Variants in ASIC2 observed in about 807,000 individuals in gnomAD.
ASIC2 encodes the protein acid-sensing ion channel 2.
A neutral mutation model predicts 57.3 loss-of-function variants in ASIC2; 25 were observed. That is an observed-to-expected ratio of 0.44 (90% confidence interval 0.32 to 0.61). ASIC2 has a LOEUF of 0.61. ASIC2 is among the 20% of genes least tolerant of loss of function. The pLI, the probability that ASIC2 is intolerant of heterozygous loss-of-function variation, is 0.06. For synonymous variants in ASIC2, 319 were observed against 307.5 expected (o/e 1.04, Z -0.39); for missense variants, 641 against 738.1 (o/e 0.87, Z 1.52).
chr17:33,504,682 A>C (rs1426342836), intron 1 of ASIC2, among the ~76,000 whole-genome samples: 2 of 152,110 alleles, frequency 1.3e-5, no homozygotes, highest in Non-Finnish European at 2.9e-5. Flanking sequence ...TTGTTGCCGC[A>C]TACTCCTGGT....
At chr17:33,320,217 C>G (rs1253529117) in intron 1 of ASIC2, among the ~76,000 whole-genome samples, 3 of 152,186 alleles carry the variant, frequency 2.0e-5, no homozygotes, top group Admixed American at 6.5e-5. Flanking sequence ...TAAGAGGGCT[C>G]TCTATAAAAT....
At chr17:33,117,125 A>T (rs561320861) in intron 1 of ASIC2, among the ~76,000 whole-genome samples, 1 of 152,016 alleles carries the variant, frequency 6.6e-6, no homozygotes, top group East Asian at 1.9e-4. Flanking sequence ...AAGCAGTGGG[A>T]TTACAGGCAT....
chr17:34,069,834 T>A (rs1909331279), intron 1 of ASIC2: 1 of 152,162 alleles, frequency 6.6e-6, no homozygotes, highest in Non-Finnish European at 1.5e-5. Context: ...GCTTTGAAAG[T>A]AGAAAAAGCA....
chr17:33,821,777 A>G (rs899594378), intron 1 of ASIC2, among the ~76,000 whole-genome samples: 2 of 152,210 alleles, frequency 1.3e-5, no homozygotes, highest in Non-Finnish European at 2.9e-5. Context: ...AAAGGGAATG[A>G]CAGCCCTGAT....
At chr17:34,044,727 T>C (rs1036720055) in intron 1 of ASIC2, among the ~76,000 whole-genome samples, 1 of 152,098 alleles carries the variant, frequency 6.6e-6, no homozygotes, top group Non-Finnish European at 1.5e-5. Context: ...GAAGGAACGG[T>C]GCCTGGGGAT....
At chr17:33,398,345 T>C (rs116225943) in intron 1 of ASIC2, among the ~76,000 whole-genome samples, 16 of 152,292 alleles carry the variant, frequency 1.1e-4, no homozygotes, top group African/African-American at 3.9e-4. Flanking sequence ...GTTAACACAA[T>C]GTAAGTTTCA....
chr17:33,733,203 T>C, intron 1 of ASIC2, among the ~76,000 whole-genome samples: 1 of 152,218 alleles, frequency 6.6e-6, no homozygotes, highest in Non-Finnish European at 1.5e-5. Context: ...AAGGGTCCAG[T>C]GCAAGAGAGA....
At chr17:33,948,433 G>A (rs147223752) in intron 1 of ASIC2, among the ~76,000 whole-genome samples, 5 of 152,260 alleles carry the variant, frequency 3.3e-5, no homozygotes, top group African/African-American at 4.8e-5. Context: ...ACACAATCAC[G>A]GGCTCAGAGA....
intron 1 of ASIC2, among the ~76,000 whole-genome samples, chr17:33,310,694 A>T (rs1245057442): frequency 6.6e-6 from 1 of 152,124 alleles, no homozygotes; most frequent in African/African-American, 2.4e-5. Context: ...GGGGAAAAGT[A>T]CTCATATAGA....
rs75570221 is a variant in ASIC2, at chr17:33,370,216, G to A, written c.556-258149C>T. ...CCGCAATGCAGGCAAATCTAGCCTG[G>A]ACAAGCTACCTGAATTGGAATGAGC... On this transcript the variant is annotated intron_variant, in intron 1 of 9. Coordinates refer to the ASIC2 transcript ENST00000359872. Among the ~76,000 whole-genome samples, 104 of 152,240 alleles carry A rather than the reference G, an allele frequency of 6.8e-4. 2 individuals carry two copies. The East Asian group carries it at 0.018, about 27-fold the overall frequency.
chr17:33,662,928 A>G (rs892229750), intron 1 of ASIC2, among the ~76,000 whole-genome samples: 4 of 152,166 alleles, frequency 2.6e-5, no homozygotes, highest in Non-Finnish European at 5.9e-5. Context: ...ATTTTTCAAA[A>G]GGGTTCGTAT....
intron 1 of ASIC2, among the ~76,000 whole-genome samples, chr17:33,133,200 G>C (rs905053634): frequency 1.3e-5 from 2 of 152,228 alleles, no homozygotes; most frequent in African/African-American, 4.8e-5. Flanking sequence ...GATGGAGAAG[G>C]AGCATTTCAG....
At chr17:34,127,794 G>T (rs1010408055) in intron 1 of ASIC2, among the ~76,000 whole-genome samples, 1 of 152,204 alleles carries the variant, frequency 6.6e-6, no homozygotes. Flanking sequence ...GCAAGGAAAA[G>T]AATATGATAA....
chr17:33,119,129 C>T (rs1267945980), intron 1 of ASIC2, among the ~76,000 whole-genome samples: 3 of 152,104 alleles, frequency 2.0e-5, no homozygotes, highest in African/African-American at 7.2e-5. Flanking sequence ...ATCCACTTAC[C>T]AGCACACAGC....
chr17:34,093,682 A>G (rs1235336195), intron 1 of ASIC2, among the ~76,000 whole-genome samples: 1 of 152,204 alleles, frequency 6.6e-6, no homozygotes, highest in Non-Finnish European at 1.5e-5. Context: ...TTAACTTGCA[A>G]TTATCTCTAC....
chr17:33,183,691 T>C (rs1906076228), intron 1 of ASIC2, among the ~76,000 whole-genome samples: 2 of 152,224 alleles, frequency 1.3e-5, no homozygotes, highest in African/African-American at 4.8e-5. Flanking sequence ...GATGCATTTA[T>C]TGTATCTTTC....
intron 1 of ASIC2, among the ~76,000 whole-genome samples, chr17:33,621,421 G>A (rs990230591): frequency 2.6e-5 from 4 of 152,196 alleles, no homozygotes; most frequent in Non-Finnish European, 5.9e-5. Context: ...ACGGGGCGAT[G>A]TAAGGAGTCG....
chr17:33,466,189 C>T (rs1248316458), intron 1 of ASIC2, among the ~76,000 whole-genome samples: 2 of 152,118 alleles, frequency 1.3e-5, no homozygotes, highest in African/African-American at 4.8e-5. Context: ...TTCTTATACA[C>T]CAATAACAGA....
intron 3 of ASIC2, among the ~76,000 whole-genome samples, chr17:33,069,354 G>T (rs918895008): frequency 6.6e-6 from 1 of 152,136 alleles, no homozygotes; most frequent in Non-Finnish European, 1.5e-5. Flanking sequence ...GGGTCAACTT[G>T]GTTGAGAGTG....
Sources: gnomAD v4.1 joint callset for allele counts (sites outside exome capture counted in the v4.1 genomes callset) on GRCh38, gnomAD v4.1.1 for gene constraint, MANE v1.5 for transcripts, NCBI Gene and HGNC (gene_info 2026-07-23, HGNC 2026-07-21) for gene names.